EGFLAM: variants seen among roughly 807,000 people sequenced by gnomAD.
EGFLAM encodes EGF like, fibronectin type III and laminin G domains.
In EGFLAM, 79 loss-of-function variants were observed where a neutral mutation model predicts 113.1. The observed-to-expected ratio is 0.70, with a 90% CI of 0.58 to 0.84. EGFLAM has a LOEUF of 0.84. Ranked by LOEUF, EGFLAM falls within the 40% of genes least tolerant of loss-of-function variation. The pLI is 0.00. For missense variants in EGFLAM, 1,265 were observed against 1,291.6 expected (o/e 0.98, Z 0.32); for synonymous variants, 504 against 487.6 (o/e 1.03, Z -0.44).
At chr5:38,323,874 C>T (rs113712398) in intron 1 of EGFLAM, among the ~76,000 whole-genome samples, 4,380 of 152,026 alleles carry the variant, frequency 0.029, 217 homozygotes, top group African/African-American at 0.097. Context: ...TATGGTGAAA[C>T]GTCATCTCTA....
intron 1 of EGFLAM, among the ~76,000 whole-genome samples, chr5:38,300,722 A>G (rs1040641498): frequency 5.9e-5 from 9 of 152,166 alleles, no homozygotes; most frequent in Non-Finnish European, 1.3e-4. Context: ...TTGAGAATAA[A>G]AATAGAAACA....
intron 19 of EGFLAM, among the ~76,000 whole-genome samples, chr5:38,456,406 C>T (rs1743088554): frequency 6.6e-6 from 1 of 152,278 alleles, no homozygotes; most frequent in East Asian, 1.9e-4. Flanking sequence ...TAAGTTTCTG[C>T]CCACCAGCAA....
chr5:38,271,634 C>T (rs2111717748), intron 1 of EGFLAM, among the ~76,000 whole-genome samples: 1 of 152,322 alleles, frequency 6.6e-6, no homozygotes, highest in Non-Finnish European at 1.5e-5. Flanking sequence ...GTTATCTCTA[C>T]CCAAGGAAAC....
intron 20 of EGFLAM, among the ~76,000 whole-genome samples, chr5:38,460,165 A>C (rs1486550693): frequency 6.6e-6 from 1 of 152,164 alleles, no homozygotes; most frequent in Non-Finnish European, 1.5e-5. Context: ...GATCCCTACA[A>C]ATCCCCACCC....
chr5:38,427,986 G>A (rs1561087045), intron 14 of EGFLAM, among the ~76,000 whole-genome samples: 1 of 152,172 alleles, frequency 6.6e-6, no homozygotes, highest in South Asian at 2.1e-4. Flanking sequence ...AGATGCAGAC[G>A]CTTTTATTTG....
intron 1 of EGFLAM, among the ~76,000 whole-genome samples, chr5:38,312,289 T>G (rs1376149753): frequency 1.3e-5 from 2 of 151,428 alleles, no homozygotes; most frequent in Non-Finnish European, 2.9e-5. Flanking sequence ...TCGCCCAGGC[T>G]GGAGTGCAGT....
chr5:38,424,808 T>C (rs958651827), intron 12 of EGFLAM, among the ~76,000 whole-genome samples, 159 bp from the exon 13 acceptor site: 39 of 152,330 alleles, frequency 2.6e-4, no homozygotes, highest in Non-Finnish European at 1.8e-4. Flanking sequence ...GTTCCACTTA[T>C]CCTGAAAGCC....
chr5:38,295,270 A>G (rs1358100872), intron 1 of EGFLAM, among the ~76,000 whole-genome samples: 2 of 152,214 alleles, frequency 1.3e-5, no homozygotes, highest in African/African-American at 4.8e-5. Context: ...TGACTATAAT[A>G]CAAAGTTTAT....
At chr5:38,410,145 C>T (rs1452401440) in intron 10 of EGFLAM, among the ~76,000 whole-genome samples, 3 of 152,232 alleles carry the variant, frequency 2.0e-5, no homozygotes, top group Non-Finnish European at 2.9e-5. Flanking sequence ...CAATAAGCAT[C>T]AGCCATTATT....
chr5:38,292,234 A>G (rs182944775), intron 1 of EGFLAM, among the ~76,000 whole-genome samples: 13 of 152,304 alleles, frequency 8.5e-5, no homozygotes, highest in Admixed American at 7.2e-4. Flanking sequence ...CAGCAAATTT[A>G]TAAGTTAATT....
intron 6 of EGFLAM, among the ~76,000 whole-genome samples, chr5:38,389,375 A>G (rs908402977): frequency 6.6e-6 from 1 of 152,180 alleles, no homozygotes; most frequent in African/African-American, 2.4e-5. Context: ...TTTTTAGTTC[A>G]GACACTCTCT....
At chr5:38,434,202 C>G (rs560516561) in intron 15 of EGFLAM, among the ~76,000 whole-genome samples, 1 of 152,230 alleles carries the variant, frequency 6.6e-6, no homozygotes, top group Admixed American at 6.5e-5. Flanking sequence ...TAAGCCCCAA[C>G]GTCTTCCAGT....
chr5:38,425,232 G>T, intron 13 of EGFLAM, 140 bp downstream of exon 13: 3 of 1,309,152 alleles, frequency 2.3e-6, no homozygotes, highest in Non-Finnish European at 3.1e-6. Flanking sequence ...AGGCCGGAGT[G>T]CAGTGGCGCA....
At chr5:38,292,215 T>C (rs1758353124) in intron 1 of EGFLAM, among the ~76,000 whole-genome samples, 2 of 152,174 alleles carry the variant, frequency 1.3e-5, no homozygotes, top group African/African-American at 2.4e-5. Flanking sequence ...GCTTCAATAA[T>C]TTCCTGCACA....
chr5:38,259,900 A>G (rs1406461174), intron 1 of EGFLAM, among the ~76,000 whole-genome samples: 1 of 152,258 alleles, frequency 6.6e-6, no homozygotes, highest in Non-Finnish European at 1.5e-5. Context: ...GCGGGATCCC[A>G]TGTGAATGCT....
intron 5 of EGFLAM, among the ~76,000 whole-genome samples, chr5:38,368,254 C>A (rs1300332945): frequency 1.3e-5 from 2 of 152,178 alleles, no homozygotes; most frequent in South Asian, 4.1e-4. Context: ...AAATGTGTTT[C>A]CTTCCACTCA....
rs981601686 is a variant in EGFLAM at position 38,407,895 on chromosome 5, T to A, written c.1238T>A (p.Leu413His). 5.6e-6 allele frequency: 9 copies of A among 1,610,632 alleles called. No individual in the cohort carries two copies. The highest frequency in any genetic ancestry group is 6.8e-6 in the Non-Finnish European group (8 of 1,176,964). The change falls in exon 9 of 22, where the codon CTT (leucine) becomes CAT (histidine). Residue 413 changes from leucine to histidine, a missense_variant. Leu to His is a moderately conservative substitution (Grantham distance 99). Coordinates refer to ENST00000322350, the MANE Select transcript of EGFLAM (RefSeq NM_152403.4). ...TCTTATCAGGCATTTCAAATTACTC[T>A]TGAATTTAGGGTAAGAGGGATGTGT... The part of the protein sequence containing the change: ...KNSYQAFQIT[L>H]EFRAEAEDGL...
intron 6 of EGFLAM, among the ~76,000 whole-genome samples, chr5:38,399,497 C>T (rs1741049784): frequency 6.6e-6 from 1 of 152,062 alleles, no homozygotes; most frequent in African/African-American, 2.4e-5. Flanking sequence ...AAGCTGGTCT[C>T]AAATTCCTGA....
chr5:38,283,337 G>T (rs1045394987), intron 1 of EGFLAM, among the ~76,000 whole-genome samples: 14 of 152,116 alleles, frequency 9.2e-5, no homozygotes, highest in African/African-American at 3.4e-4. Context: ...AGGAATTACA[G>T]TCTTCATTGC....
Sources: gnomAD v4.1 joint callset for allele counts (sites outside exome capture counted in the v4.1 genomes callset) on GRCh38, gnomAD v4.1.1 for gene constraint, MANE v1.5 for transcripts, NCBI Gene and HGNC (gene_info 2026-07-23, HGNC 2026-07-21) for gene names.